NAALADL2: variants seen among roughly 807,000 people sequenced by gnomAD.
The protein encoded by NAALADL2 is inactive N-acetylated-alpha-linked acidic dipeptidase-like protein 2.
A neutral mutation model predicts 87.2 loss-of-function variants in NAALADL2; 76 were observed. The observed-to-expected ratio is 0.87, with a 90% CI of 0.72 to 1.05. The LOEUF (loss-of-function observed/expected upper bound fraction) is 1.05. Among genes scored for constraint, NAALADL2 ranks in the 50% least tolerant of loss-of-function variants. NAALADL2 has a pLI of 0.00. For missense variants in NAALADL2, 1,089 were observed against 945.8 expected (o/e 1.15, Z -1.99); for synonymous variants, 354 against 331.0 (o/e 1.07, Z -0.75).
At chr3:174,982,261 T>C (rs1432339201) in intron 1 of NAALADL2, among the ~76,000 whole-genome samples, 1 of 152,144 alleles carries the variant, frequency 6.6e-6, no homozygotes, top group African/African-American at 2.4e-5. Context: ...TTACTGAGTA[T>C]CTACCTTGTG....
intron 2 of NAALADL2, among the ~76,000 whole-genome samples, chr3:175,138,841 A>T (rs1729534663): frequency 6.9e-6 from 1 of 144,512 alleles, no homozygotes; most frequent in South Asian, 2.2e-4. Context: ...GTACATGGGC[A>T]GATGAATTGC....
At chr3:174,717,973 A>G (rs1043477857) in intron 2 of NAALADL2, among the ~76,000 whole-genome samples, 2 of 152,028 alleles carry the variant, frequency 1.3e-5, no homozygotes, top group African/African-American at 4.8e-5. Flanking sequence ...CTAAAAATAC[A>G]AAAAAACTTG....
At chr3:175,495,297 G>T (rs1290471913) in intron 9 of NAALADL2, among the ~76,000 whole-genome samples, 2 of 151,732 alleles carry the variant, frequency 1.3e-5, no homozygotes, top group Non-Finnish European at 2.9e-5. Context: ...CATAGGTCTG[G>T]TAATATTTTT....
intron 3 of NAALADL2, among the ~76,000 whole-genome samples, chr3:174,826,066 AC>A (rs1721962312): frequency 6.6e-6 from 1 of 151,798 alleles, no homozygotes; most frequent in African/African-American, 2.4e-5. Flanking sequence ...AACAACAACA[AC>A]AACAACAATC....
intron 11 of NAALADL2, among the ~76,000 whole-genome samples, chr3:175,639,318 C>CTTTTTTTTTTTTTTTTTT (rs756214274): frequency 4.6e-5 from 5 of 108,764 alleles, no homozygotes; most frequent in African/African-American, 2.1e-4. Context: ...AAGCGTTATT[C>CTTTTTTTTTTTTTTTTTT]TTTTTTTTTT....
intron 13 of NAALADL2, among the ~76,000 whole-genome samples, chr3:175,786,142 T>C (rs2150235476): frequency 6.6e-6 from 1 of 152,090 alleles, no homozygotes; most frequent in Non-Finnish European, 1.5e-5. Context: ...CATTTTTTCC[T>C]TCATTTCAAC....
chr3:174,826,009 C>G (rs1721943231), intron 3 of NAALADL2, among the ~76,000 whole-genome samples: 1 of 151,590 alleles, frequency 6.6e-6, no homozygotes, highest in South Asian at 2.1e-4. Flanking sequence ...CCTGGGCAGA[C>G]AGAGCGAGAC....
chr3:175,513,738 G>C (rs1731480120), intron 9 of NAALADL2, among the ~76,000 whole-genome samples: 1 of 152,192 alleles, frequency 6.6e-6, no homozygotes, highest in African/African-American at 2.4e-5. Flanking sequence ...AGACAGCAGC[G>C]TGTGGCATCT....
At chr3:175,788,525 G>T (rs1446600901) in intron 13 of NAALADL2, among the ~76,000 whole-genome samples, 1 of 152,138 alleles carries the variant, frequency 6.6e-6, no homozygotes, top group Non-Finnish European at 1.5e-5. Flanking sequence ...GTACAGGTTT[G>T]TAGCCGAGGA....
intron 9 of NAALADL2, among the ~76,000 whole-genome samples, chr3:175,566,770 A>G (rs545729792): frequency 6.6e-6 from 1 of 152,044 alleles, no homozygotes; most frequent in East Asian, 1.9e-4. Flanking sequence ...TTATATCAGC[A>G]TATCTTTCTT....
intron 3 of NAALADL2, among the ~76,000 whole-genome samples, chr3:174,798,295 G>GT (rs1257193081): frequency 6.6e-6 from 1 of 151,944 alleles, no homozygotes; most frequent in Non-Finnish European, 1.5e-5. Flanking sequence ...ATTCTTAATT[G>GT]TTTTAAAAAA....
At chr3:175,385,231 T>A (rs28456990) in intron 5 of NAALADL2, among the ~76,000 whole-genome samples, 69,389 of 151,762 alleles carry the variant, frequency 0.46, 16,131 homozygotes, top group East Asian at 0.62. Context: ...AACAGAAAAA[T>A]GATAAAACCT....
At chr3:175,663,516 T>C (rs1257398982) in intron 11 of NAALADL2, among the ~76,000 whole-genome samples, 2 of 147,892 alleles carry the variant, frequency 1.4e-5, no homozygotes, top group African/African-American at 2.7e-5. Flanking sequence ...TATGTTTTGG[T>C]AATCTTTTCT....
chr3:174,905,289 C>T (rs967160409), intron 1 of NAALADL2, among the ~76,000 whole-genome samples: 1 of 151,714 alleles, frequency 6.6e-6, no homozygotes, highest in Non-Finnish European at 1.5e-5. Context: ...TTCTGAGCTG[C>T]AGCACAAGCA....
chr3:175,788,864 G>A (rs772480805), intron 13 of NAALADL2, among the ~76,000 whole-genome samples: 4 of 152,060 alleles, frequency 2.6e-5, no homozygotes, highest in East Asian at 1.9e-4. Context: ...GACAGGCTGC[G>A]ATGTCCACTA....
At chr3:175,181,767 G>GTGTATATATT (rs1430499104) in intron 2 of NAALADL2, among the ~76,000 whole-genome samples, 1 of 121,044 alleles carries the variant, frequency 8.3e-6, no homozygotes, top group African/African-American at 3.2e-5. Context: ...GTGTATATAT[G>GTGTATATATT]TGTGTATATA....
chr3:175,130,025 T>C (rs1387463480), intron 2 of NAALADL2, among the ~76,000 whole-genome samples: 1 of 152,166 alleles, frequency 6.6e-6, no homozygotes, highest in Non-Finnish European at 1.5e-5. Flanking sequence ...TGATTTCTTA[T>C]TGTAGGTAGG....
chr3:175,019,432 T>C (rs1432169340), intron 1 of NAALADL2, among the ~76,000 whole-genome samples: 2 of 152,086 alleles, frequency 1.3e-5, no homozygotes, highest in Non-Finnish European at 2.9e-5. Flanking sequence ...CTATAACATA[T>C]ATAAAGTAAT....
intron 1 of NAALADL2, among the ~76,000 whole-genome samples, chr3:175,056,186 T>C (rs953023407): frequency 9.2e-5 from 14 of 151,978 alleles, no homozygotes; most frequent in African/African-American, 3.4e-4. Flanking sequence ...AATGAGGGGG[T>C]ACAGAAGGGT....
Sources: allele counts gnomAD v4.1 joint callset (sites outside exome capture counted in the v4.1 genomes callset), GRCh38; gene constraint gnomAD v4.1.1; transcripts MANE v1.5; gene names NCBI Gene and HGNC (gene_info 2026-07-23, HGNC 2026-07-21).